NAP1L4: variants seen among roughly 807,000 people sequenced by gnomAD.
NAP1L4 encodes the protein nucleosome assembly protein 1-like 4.
A neutral mutation model predicts 58.2 loss-of-function variants in NAP1L4; 15 were observed. The ratio of observed to expected loss-of-function variants is 0.26; its 90% CI spans 0.17 to 0.40. The LOEUF (loss-of-function observed/expected upper bound fraction) is 0.40, where lower values mean the gene tolerates loss of function less well. NAP1L4 is among the 10% of genes least tolerant of loss of function. The pLI is 1.00. For synonymous variants in NAP1L4, 171 were observed against 155.6 expected, an observed-to-expected ratio of 1.10 and a Z score of -0.74; for missense variants, 384 against 451.1, an observed-to-expected ratio of 0.85 and a Z score of 1.35.
rs2133897523 is a variant in NAP1L4 at position 2,949,636 on chromosome 11, A to C, written c.1123-372T>G. Among the ~76,000 whole-genome samples, 2 of 152,278 alleles carry C rather than the reference A, an allele frequency of 1.3e-5. No individual in the cohort carries two copies. Among genetic ancestry groups the C allele is most frequent in the South Asian group, 4.1e-4 (2 of 4,826 alleles). On this transcript the variant is annotated intron_variant, in intron 14 of 15. Transcript: ENST00000380542. The surrounding 1 kb of genome is among the most constrained non-coding windows in gnomAD (Gnocchi z 4.0). Reference sequence around the variant, plus strand: ...ACACCATTAGCCGGAACATGTTTTTAGTCCCTTCTCCCCCAACCAACATAA... The same window carrying C: ...ACACCATTAGCCGGAACATGTTTTTCGTCCCTTCTCCCCCAACCAACATAA...
In NAP1L4 at chr11:2,958,476, T is replaced by G. The variant is rs1416545262; in HGVS notation, c.815A>C (p.Lys272Thr). 1 of 1,614,194 alleles carries G rather than the reference T, an allele frequency of 6.2e-7. No individual in the cohort carries two copies. Among genetic ancestry groups the G allele is most frequent in the Non-Finnish European group, 8.5e-7 (1 of 1,180,002 alleles). Residue 272 changes from lysine to threonine, a missense_variant, in exon 10 of 16, where the codon AAG (lysine) becomes ACG (threonine). Lys to Thr is a moderately conservative substitution (Grantham distance 78). This residue lies in a region of NAP1L4 where 296 missense variants were observed against 360.8 expected (regional missense o/e 0.82). Coordinates refer to ENST00000380542, the MANE Select transcript of NAP1L4 (RefSeq NM_005969.4). ...AATTGTTCTAACAGTGCCTCGACCC[T>G]TATGCTTCTGCTTTTTCTTGATGGT... ...VKTIKKKQKH[K>T]GRGTVRTITK... is the part of the protein sequence containing the mutation.
chr11:2,975,602 C>T (rs933900228), intron 4 of NAP1L4, among the ~76,000 whole-genome samples: 1 of 151,592 alleles, frequency 6.6e-6, no homozygotes, highest in Non-Finnish European at 1.5e-5. Flanking sequence ...GTCACCCAGG[C>T]TGGAGGGTAG....
chr11:2,971,330 T>A lies in NAP1L4; in HGVS notation c.402+118A>T. On this transcript the variant is annotated intron_variant, in intron 6 of 15. Transcript: ENST00000380542. The surrounding 1 kb of genome is among the most constrained non-coding windows in gnomAD (Gnocchi z 4.2). Reference sequence around the variant, plus strand: ...AAGGAATCTAAACCCAACCTAATGATGCAGCAGCACCTACTGTTAGAAGCA... The same window carrying A: ...AAGGAATCTAAACCCAACCTAATGAAGCAGCAGCACCTACTGTTAGAAGCA... 1.2e-6 allele frequency: 1 copy of A among 803,244 alleles called. No individual in the cohort carries two copies. The highest frequency in any genetic ancestry group is 2.5e-5 in the Admixed American group (1 of 40,760). The allele number at this position is 803,244 out of a possible 1,614,324, so 49.8% of individuals were successfully genotyped here.
intron 9 of NAP1L4, chr11:2,958,946 G>C (rs1846707301): frequency 4.5e-6 from 1 of 222,554 alleles, no homozygotes; most frequent in Non-Finnish European, 9.0e-6. Context: ...AAAAAGGAAA[G>C]AGGTGGCCAC....
At chr11:2,967,334 C>T (rs1261961330) in intron 7 of NAP1L4, among the ~76,000 whole-genome samples, 3 of 152,114 alleles carry the variant, frequency 2.0e-5, no homozygotes, top group Non-Finnish European at 4.4e-5. Flanking sequence ...AACTGTTGGC[C>T]GGGCACGGTG....
chr11:2,959,845 GTTT>G lies in NAP1L4; in HGVS notation c.668_670del (p.Lys223del). The G allele has an allele frequency of 6.2e-7, 1 of 1,614,204 alleles. No homozygotes were observed. Among genetic ancestry groups the G allele is most frequent in the Non-Finnish European group, 8.5e-7 (1 of 1,180,020 alleles). On this transcript the variant is annotated inframe_deletion, in exon 9 of 16. Coordinates refer to ENST00000380542, the MANE Select transcript of NAP1L4 (RefSeq NM_005969.4). The surrounding 1 kb of genome is among the most constrained non-coding windows in gnomAD (Gnocchi z 4.9). Reference sequence around the variant, plus strand: ...ATCTGGTTCTGATTTCATCTTGTAGGTTTTTGTCAGGACTGAGTTGGTAAAGTA... The same window carrying G: ...ATCTGGTTCTGATTTCATCTTGTAGGTTGTCAGGACTGAGTTGGTAAAGTA...
chr11:2,947,864 G>T (rs1363987662), intron 15 of NAP1L4, among the ~76,000 whole-genome samples: 1 of 152,206 alleles, frequency 6.6e-6, no homozygotes, highest in Admixed American at 6.5e-5. Flanking sequence ...AAACACACTC[G>T]ACCATAGCTG....
chr11:2,990,326 G>C (rs1170247964), intron 1 of NAP1L4: 1 of 152,156 alleles, frequency 6.6e-6, no homozygotes, highest in Non-Finnish European at 1.5e-5. Context: ...AAGTAAACTT[G>C]TGAACTACTA....
chr11:2,955,851 G>T lies in NAP1L4; in HGVS notation c.893-85C>A. The stretch of plus-strand genomic sequence containing the variant: ...GCCCACACAGGAGGAAGCTGTGCTG[G>T]TAGATAAAATGTAACATTTCTCACC... On this transcript the variant is annotated intron_variant, in intron 10 of 15. Transcript: ENST00000380542. This position sits in a 1 kb window ranked among gnomAD's most constrained non-coding sequence, Gnocchi z 4.2. 7.9e-7 allele frequency: 1 copy of T among 1,266,248 alleles called. No homozygotes were observed. Among genetic ancestry groups the T allele is most frequent in the Non-Finnish European group, 1.1e-6 (1 of 886,212 alleles). 78.4% of individuals were successfully genotyped at this position (1,266,248 alleles called of 1,614,324 possible). A position where few individuals can be genotyped will look rare whatever the true frequency, so the allele number is the denominator to read the frequency against.
chr11:2,969,741 C>A, intron 7 of NAP1L4, 62 bp downstream of exon 7: 1 of 1,539,634 alleles, frequency 6.5e-7, no homozygotes. Flanking sequence ...TAAAAAATGC[C>A]ATAGATAAGT....
intron 3 of NAP1L4, among the ~76,000 whole-genome samples, chr11:2,978,014 A>G (rs1229470908): frequency 6.6e-6 from 1 of 152,148 alleles, no homozygotes; most frequent in Non-Finnish European, 1.5e-5. Context: ...AATAAGAAAA[A>G]AGACTGGTCA....
intron 12 of NAP1L4, among the ~76,000 whole-genome samples, chr11:2,953,185 G>T (rs114116010): frequency 6.6e-6 from 1 of 152,338 alleles, no homozygotes; most frequent in African/African-American, 2.4e-5. Flanking sequence ...TACCTGTGCT[G>T]AACGTATTGT....
chr11:2,964,246 G>A (rs7110828), intron 8 of NAP1L4, among the ~76,000 whole-genome samples: 5,624 of 152,188 alleles, frequency 0.037, 356 homozygotes, highest in African/African-American at 0.13. Flanking sequence ...GCAAACTTCA[G>A]AGACACTTGG....
At position 2,944,773 on chromosome 11, in the gene NAP1L4, GCCCGGCTCCGGCAGC is replaced by G. The variant is rs1845853425; in HGVS notation, c.*891_*905del. On this transcript the variant is annotated 3_prime_UTR_variant, in exon 16 of 16. Transcript: ENST00000380542. Reference sequence around the variant, plus strand: ...TCCCTCAGTGGAGAAGACTGCCGAAGCCCGGCTCCGGCAGCAGGGTGGCGCCTGCGTCATGAGGAC... The same window carrying G: ...TCCCTCAGTGGAGAAGACTGCCGAAGAGGGTGGCGCCTGCGTCATGAGGAC... 1 of 152,254 alleles carries G rather than the reference GCCCGGCTCCGGCAGC, an allele frequency of 6.6e-6. No individual in the cohort carries two copies. The highest frequency in any genetic ancestry group is 1.9e-4 in the East Asian group (1 of 5,194). The allele number at this position is 152,254 out of a possible 1,614,324, so 9.4% of individuals were successfully genotyped here.
chr11:2,950,070 G>A (rs1846142763), intron 14 of NAP1L4, among the ~76,000 whole-genome samples: 1 of 152,224 alleles, frequency 6.6e-6, no homozygotes, highest in Non-Finnish European at 1.5e-5. Context: ...TTCACCCAAC[G>A]TTGTTCACTG....
At chr11:2,956,964 G>A (rs1323712555) in intron 10 of NAP1L4, among the ~76,000 whole-genome samples, 1 of 151,856 alleles carries the variant, frequency 6.6e-6, no homozygotes, top group Non-Finnish European at 1.5e-5. Context: ...TGGCTTTACT[G>A]ATGGGATTTA....
chr11:2,950,085 A>C (rs897359854), intron 14 of NAP1L4, among the ~76,000 whole-genome samples: 5 of 152,366 alleles, frequency 3.3e-5, no homozygotes, highest in African/African-American at 1.2e-4. Flanking sequence ...TCACTGGCTG[A>C]CTGACAGCCC....
Position 2,955,128 on chromosome 11 carries a change from C to G in NAP1L4, c.916-482G>C, listed in dbSNP as rs925183864. On this transcript the variant is annotated intron_variant, in intron 11 of 15. Coordinates refer to ENST00000380542, the MANE Select transcript of NAP1L4 (RefSeq NM_005969.4). This position sits in a 1 kb window ranked among gnomAD's most constrained non-coding sequence, Gnocchi z 4.2. ...TTGGAGGGCAGTGGTGCAATCACAG[C>G]TCACTCCAGCCTCAAGCTCCTGGGC... Among the ~76,000 whole-genome samples, 2 of 152,024 alleles carry G rather than the reference C, an allele frequency of 1.3e-5. No homozygotes were observed. Among genetic ancestry groups the G allele is most frequent in the Non-Finnish European group, 2.9e-5 (2 of 68,016 alleles).
In NAP1L4 at chr11:2,945,448, T is replaced by C. The variant is rs1437300001; in HGVS notation, c.*231A>G. On this transcript the variant is annotated 3_prime_UTR_variant, in exon 16 of 16. Transcript: ENST00000380542. ...TTGCCACTGTACAAGTTAAGCAAAA[T>C]AATAAGGAAAAAGGAAAAGTGAAAG... 2 of 675,950 alleles carry C rather than the reference T, an allele frequency of 3.0e-6. No individual in the cohort carries two copies. The highest frequency in any genetic ancestry group is 4.9e-6 in the Non-Finnish European group (2 of 408,824). 41.9% of individuals were successfully genotyped at this position (675,950 alleles called of 1,614,324 possible).
Sources: allele counts gnomAD v4.1 joint callset (sites outside exome capture counted in the v4.1 genomes callset), GRCh38; gene constraint gnomAD v4.1.1; regional missense constraint gnomAD v4.1.1; non-coding constraint Gnocchi (gnomAD v3.1); transcripts MANE v1.5; gene names NCBI Gene and HGNC (gene_info 2026-07-23, HGNC 2026-07-21).